Variants in DOCK11 observed in about 807,000 individuals in gnomAD.
DOCK11 encodes dedicator of cytokinesis protein 11.
DOCK11 carries 70 observed loss-of-function variants against 169.1 expected under a neutral mutation model. The observed-to-expected ratio is 0.41, with a 90% CI of 0.34 to 0.51. The LOEUF (loss-of-function observed/expected upper bound fraction) is 0.51. DOCK11 is among the 20% of genes least tolerant of loss of function. The pLI is 0.10. For missense variants in DOCK11, 1,166 were observed against 1,538.8 expected, an observed-to-expected ratio of 0.76 and a Z score of 4.05; for synonymous variants, 529 against 541.3, an observed-to-expected ratio of 0.98 and a Z score of 0.32.
At chrX:118,515,378 C>G (rs1224468074) in intron 1 of DOCK11, among the ~76,000 whole-genome samples, 1 of 111,387 alleles carries the variant, frequency 9.0e-6, no homozygotes, top group Non-Finnish European at 1.9e-5. Context: ...GGATTACAGG[C>G]ATGCACCACC....
chrX:118,564,638 ATTC>A (rs201814006), intron 7 of DOCK11, among the ~76,000 whole-genome samples: 1 of 110,688 alleles, frequency 9.0e-6, no homozygotes, highest in African/African-American at 3.3e-5. Flanking sequence ...TTACCAAGCC[ATTC>A]TTCTTCTTCT....
At chrX:118,590,358 C>A in intron 19 of DOCK11, 56 bp downstream of exon 19, 1 of 962,039 alleles carries the variant, frequency 1.0e-6, no homozygotes, top group Non-Finnish European at 1.5e-6. Flanking sequence ...TTCTTTTTCT[C>A]TTTGAATCAT....
At chrX:118,597,993 A>G (rs758199914) in intron 21 of DOCK11, 37 bp from the exon 22 acceptor site, 1 of 1,032,125 alleles carries the variant, frequency 9.7e-7, no homozygotes, top group Non-Finnish European at 1.3e-6. Flanking sequence ...TCATCTATCC[A>G]TTATTATGTT....
In DOCK11 at chrX:118,580,218, C is replaced by T. The variant is rs2013583427; in HGVS notation, c.1595+39C>T. The T allele has an allele frequency of 4.5e-6, 5 of 1,122,864 alleles. No individual in the cohort carries two copies. The East Asian group carries it at 1.5e-4, about 35-fold the overall frequency. 92.5% of individuals were successfully genotyped at this position (1,122,864 alleles called of 1,213,427 possible). A position where few individuals can be genotyped will look rare whatever the true frequency, so the allele number is the denominator to read the frequency against. On this transcript the variant is annotated intron_variant, in intron 14 of 52. Transcript: ENST00000276202. Reference sequence around the variant, plus strand: ...TAATCCTGACCCGCTCACTCGTGTTCATATGTGAAGTTAAGGGCTGTTATA... The same window carrying T: ...TAATCCTGACCCGCTCACTCGTGTTTATATGTGAAGTTAAGGGCTGTTATA...
rs1370541575 is a variant in DOCK11, at chrX:118,676,917, C to T, written c.5460+180C>T. 2.7e-5 allele frequency among the ~76,000 whole-genome samples: 3 copies of T among 111,448 alleles called. No individual in the cohort carries two copies. The Admixed American group carries it at 2.9e-4, about 11-fold the overall frequency. On this transcript the variant is annotated intron_variant, in intron 48 of 52. Coordinates refer to ENST00000276202, the MANE Select transcript of DOCK11 (RefSeq NM_144658.4). ...CAAGCTTCAAATCTCTACTCTCTGC[C>T]ACTCACTAGCTGTGTGACCATGGGG... is the stretch of plus-strand genomic sequence containing the variant.
intron 1 of DOCK11, among the ~76,000 whole-genome samples, chrX:118,499,270 A>G (rs1237163464): frequency 8.9e-6 from 1 of 112,115 alleles, no homozygotes; most frequent in African/African-American, 3.2e-5. Context: ...TAGAGAAGCC[A>G]CTTTATCAGC....
intron 45 of DOCK11, among the ~76,000 whole-genome samples, chrX:118,665,675 C>T (rs1182718896): frequency 1.8e-5 from 2 of 111,764 alleles, no homozygotes; most frequent in Non-Finnish European, 3.8e-5. Flanking sequence ...CATGTTTTAC[C>T]AAGTGCCACT....
chrX:118,517,714 A>G (rs2057698995), intron 1 of DOCK11, among the ~76,000 whole-genome samples: 1 of 111,670 alleles, frequency 9.0e-6, no homozygotes, highest in Non-Finnish European at 1.9e-5. Flanking sequence ...CATTAAAATT[A>G]GGATGGGCTA....
rs1174140911 is a variant in DOCK11, at chrX:118,682,972, ATCT to A, written c.5964-101_5964-99del. On this transcript the variant is annotated intron_variant, in intron 51 of 52. Coordinates refer to ENST00000276202, the MANE Select transcript of DOCK11 (RefSeq NM_144658.4). ...CACAGTGAGAAAATAGAGGATTCTG[ATCT>A]TCTTCCTAGGCAAGCCATGGCTAAA... The A allele has an allele frequency of 1.2e-5, 9 of 758,858 alleles. No individual in the cohort carries two copies. In the East Asian group the frequency reaches 3.0e-4, roughly 25 times the overall value. 62.5% of individuals were successfully genotyped at this position (758,858 alleles called of 1,213,427 possible).
At chrX:118,658,114 A>G (rs1471955225) in intron 44 of DOCK11, among the ~76,000 whole-genome samples, 7 of 112,036 alleles carry the variant, frequency 6.2e-5, no homozygotes, top group African/African-American at 1.9e-4. Context: ...TTGAATTTAC[A>G]CTTAAGACCA....
chrX:118,600,128 C>T (rs973353467), intron 23 of DOCK11, among the ~76,000 whole-genome samples: 4 of 111,531 alleles, frequency 3.6e-5, no homozygotes, highest in African/African-American at 1.3e-4. Context: ...GATGATGGAG[C>T]TGGGCATGGT....
intron 1 of DOCK11, among the ~76,000 whole-genome samples, chrX:118,519,239 G>T (rs977450287): frequency 9.0e-6 from 1 of 111,706 alleles, no homozygotes; most frequent in African/African-American, 3.3e-5. Context: ...TTAGAGTGGG[G>T]GATTATGAGT....
intron 10 of DOCK11, 121 bp from the exon 11 acceptor site, chrX:118,572,202 A>G (rs1222811311): frequency 1.5e-5 from 9 of 599,587 alleles, no homozygotes; most frequent in Non-Finnish European, 5.0e-6. Context: ...GAAAACATAA[A>G]AAGGGTTCAA....
intron 35 of DOCK11, among the ~76,000 whole-genome samples, chrX:118,635,626 C>T (rs1164067502): frequency 1.8e-5 from 2 of 111,503 alleles, no homozygotes; most frequent in Non-Finnish European, 3.8e-5. Context: ...CTCACTCTGT[C>T]GCCCAGGCTG....
chrX:118,679,932 T>G (rs1209721804), intron 48 of DOCK11, among the ~76,000 whole-genome samples: 1 of 95,507 alleles, frequency 1.0e-5, no homozygotes, highest in East Asian at 3.2e-4. Flanking sequence ...TTTTTTTTTT[T>G]TTTTTTTTTT....
chrX:118,640,137 G>T (rs919676579), intron 38 of DOCK11, among the ~76,000 whole-genome samples: 3 of 112,397 alleles, frequency 2.7e-5, no homozygotes, highest in African/African-American at 9.7e-5. Context: ...ATTTCAGACA[G>T]GTTGAAGTAT....
Position 118,676,752 on chromosome X carries a change from A to G in DOCK11, c.5460+15A>G. ...ATTCAGACAAGGTAACACATACCCT[A>G]CATGTTGAAATCATTATTTGTTAGT... On this transcript the variant is annotated intron_variant, in intron 48 of 52. Transcript: ENST00000276202. 8.5e-7 allele frequency: 1 copy of G among 1,175,365 alleles called. No individual in the cohort carries two copies. Among genetic ancestry groups the G allele is most frequent in the Non-Finnish European group, 1.1e-6 (1 of 873,940 alleles).
rs1168599926 is a variant in DOCK11, at chrX:118,572,463, T to C, written c.1176T>C (p.Asn392=). 1 of 1,196,662 alleles carries C rather than the reference T, an allele frequency of 8.4e-7. No homozygotes were observed. The highest frequency in any genetic ancestry group is 3.0e-5 in the East Asian group (1 of 33,547). The change falls in exon 11 of 53, where the codon AAT becomes AAC. Residue 392 remains asparagine (N), a splice_region_variant and synonymous_variant. Coordinates refer to ENST00000276202, the MANE Select transcript of DOCK11 (RefSeq NM_144658.4). Reference sequence around the variant, plus strand: ...ACAATGCAAAAGGACCACCCACAAATGTATGTATGACTTTGCCTTCTACCC... The same window carrying C: ...ACAATGCAAAAGGACCACCCACAAACGTATGTATGACTTTGCCTTCTACCC... ...IGDNAKGPPT[N]VEPFFINLAL...
intron 1 of DOCK11, among the ~76,000 whole-genome samples, chrX:118,517,679 AT>A (rs1423892143): frequency 2.7e-5 from 3 of 111,178 alleles, no homozygotes; most frequent in Non-Finnish European, 5.6e-5. Flanking sequence ...TGCTTTGCGT[AT>A]CTCAGATTCT....
Sources: allele counts gnomAD v4.1 joint callset (sites outside exome capture counted in the v4.1 genomes callset), GRCh38; gene constraint gnomAD v4.1.1; transcripts MANE v1.5; gene names NCBI Gene and HGNC (gene_info 2026-07-23, HGNC 2026-07-21).